Variants in ERBB4 observed in about 807,000 individuals in gnomAD.
The protein encoded by ERBB4 is receptor tyrosine-protein kinase erbB-4.
ERBB4 carries 42 observed loss-of-function variants against 158.0 expected under a neutral mutation model. The ratio of observed to expected loss-of-function variants is 0.27; its 90% confidence interval spans 0.21 to 0.34. The LOEUF (loss-of-function observed/expected upper bound fraction) is 0.34. Ranked by LOEUF, ERBB4 falls within the 10% of genes least tolerant of loss-of-function variation. The pLI, the probability that ERBB4 is intolerant of heterozygous loss-of-function variation, is 1.00. For synonymous variants in ERBB4, 583 were observed against 558.7 expected (o/e 1.04, Z -0.61); for missense variants, 1,333 against 1,624.1 (o/e 0.82, Z 3.08).
chr2:212,021,434 G>C (rs970986878), intron 2 of ERBB4, among the ~76,000 whole-genome samples: 1 of 152,142 alleles, frequency 6.6e-6, no homozygotes, highest in African/African-American at 2.4e-5. Flanking sequence ...ATAATCATCT[G>C]ACCTTCGACA....
chr2:212,191,777 C>A (rs1197859845), intron 1 of ERBB4, among the ~76,000 whole-genome samples: 1 of 127,694 alleles, frequency 7.8e-6, no homozygotes, highest in Admixed American at 8.4e-5. Flanking sequence ...ATATATAACA[C>A]GTGTGTTATA....
chr2:212,379,241 T>A (rs1316826353), intron 1 of ERBB4, among the ~76,000 whole-genome samples: 1 of 151,758 alleles, frequency 6.6e-6, no homozygotes, highest in Non-Finnish European at 1.5e-5. Flanking sequence ...ATCCTCAAAG[T>A]CATTATTAAG....
intron 5 of ERBB4, among the ~76,000 whole-genome samples, chr2:211,746,847 A>AC (rs2074989859): frequency 6.9e-6 from 1 of 144,668 alleles, no homozygotes; most frequent in Admixed American, 6.9e-5. Flanking sequence ...AAAAAAAAAA[A>AC]CCCTCCATTC....
At chr2:212,523,539 A>G (rs1404238422) in intron 1 of ERBB4, among the ~76,000 whole-genome samples, 1 of 147,804 alleles carries the variant, frequency 6.8e-6, no homozygotes, top group Non-Finnish European at 1.5e-5. Context: ...GACTGTTAAG[A>G]AAAAGGCAAA....
chr2:211,620,958 T>A (rs1404003800), intron 18 of ERBB4, among the ~76,000 whole-genome samples: 3 of 152,008 alleles, frequency 2.0e-5, no homozygotes, highest in South Asian at 2.1e-4. Context: ...AATAAAAAAA[T>A]TTAAAAATGA....
chr2:211,651,336 TC>T (rs2070974150), intron 16 of ERBB4, among the ~76,000 whole-genome samples: 2 of 152,266 alleles, frequency 1.3e-5, no homozygotes, highest in African/African-American at 4.8e-5. Context: ...TAATCAAGTT[TC>T]CTTCAGGACA....
intron 3 of ERBB4, among the ~76,000 whole-genome samples, chr2:211,815,445 A>G (rs565810180): frequency 4.4e-4 from 67 of 152,350 alleles, no homozygotes; most frequent in Middle Eastern, 3.4e-3. Context: ...AGAGTAAGGT[A>G]AAAAGCAATC....
intron 2 of ERBB4, among the ~76,000 whole-genome samples, chr2:211,988,816 G>A (rs962711095): frequency 3.3e-5 from 5 of 151,938 alleles, no homozygotes; most frequent in Non-Finnish European, 5.9e-5. Context: ...CCAACCCCAA[G>A]GTCATTGGAG....
intron 16 of ERBB4, among the ~76,000 whole-genome samples, chr2:211,632,517 T>G (rs1380692187): frequency 1.3e-5 from 2 of 152,090 alleles, no homozygotes; most frequent in Non-Finnish European, 2.9e-5. Flanking sequence ...CTCTGCTTAT[T>G]TATTTTGCAA....
In ERBB4 at chr2:211,571,520, T is replaced by C. The variant is rs561041890; in HGVS notation, c.2302-9432A>G. ...TTATGTTATGCCCATATTCCAAGTT[T>C]TCTCCTCCACTCCTATAATTTCAGT... On this transcript the variant is annotated intron_variant, in intron 19 of 27. Transcript: ENST00000342788. 2.2e-4 allele frequency among the ~76,000 whole-genome samples: 34 copies of C among 152,324 alleles called. No homozygotes were observed. The South Asian group carries it at 6.4e-3, about 29-fold the overall frequency.
chr2:212,154,384 G>C (rs937119258), intron 1 of ERBB4, among the ~76,000 whole-genome samples: 11 of 151,946 alleles, frequency 7.2e-5, no homozygotes, highest in Admixed American at 4.0e-4. Flanking sequence ...ATCTACAAAT[G>C]GCACACACAC....
intron 1 of ERBB4, among the ~76,000 whole-genome samples, chr2:212,323,831 C>A (rs2087686371): frequency 1.6e-5 from 1 of 61,182 alleles, no homozygotes; most frequent in South Asian, 4.2e-4. Flanking sequence ...AGATTGAAAA[C>A]ATTAATAAAA....
At chr2:211,817,424 G>A (rs1028733655) in intron 3 of ERBB4, among the ~76,000 whole-genome samples, 2 of 151,966 alleles carry the variant, frequency 1.3e-5, no homozygotes, top group Non-Finnish European at 2.9e-5. Flanking sequence ...GCAAAAATCT[G>A]GTTATTACTC....
chr2:212,449,148 T>C (rs2092408698), intron 1 of ERBB4, among the ~76,000 whole-genome samples: 1 of 152,176 alleles, frequency 6.6e-6, no homozygotes, highest in South Asian at 2.1e-4. Flanking sequence ...GCTTATTTCT[T>C]CTTTATCATG....
chr2:211,798,640 A>G (rs1401855495), intron 3 of ERBB4, among the ~76,000 whole-genome samples: 1 of 152,144 alleles, frequency 6.6e-6, no homozygotes, highest in African/African-American at 2.4e-5. Context: ...AACTATTTTA[A>G]AACCTATGTA....
chr2:211,377,436 T>C lies in ERBB4; in HGVS notation c.*6179A>G. 8.6e-6 allele frequency: 2 copies of C among 232,438 alleles called. No individual in the cohort carries two copies. Among genetic ancestry groups the C allele is most frequent in the Non-Finnish European group, 1.7e-5 (2 of 117,322 alleles). The allele number at this position is 232,438 out of a possible 1,614,324, so 14.4% of individuals were successfully genotyped here. ...CCACTTCTCATGATATAGGGAAAGCTCACTAGAGCATGAAAAGAAAAACGT... is the reference window on the plus strand; with the variant it reads ...CCACTTCTCATGATATAGGGAAAGCCCACTAGAGCATGAAAAGAAAAACGT... On this transcript the variant is annotated 3_prime_UTR_variant, in exon 28 of 28. Transcript: ENST00000342788.
At chr2:212,226,677 A>G (rs1387918243) in intron 1 of ERBB4, among the ~76,000 whole-genome samples, 1 of 152,148 alleles carries the variant, frequency 6.6e-6, no homozygotes, top group African/African-American at 2.4e-5. Flanking sequence ...GATATGTCAT[A>G]TTAGTCTATG....
In ERBB4 at chr2:211,702,064, G is replaced by C. The variant is rs1436708940; in HGVS notation, c.1392C>G (p.Ser464Arg). 2.5e-6 allele frequency: 4 copies of C among 1,613,188 alleles called. No homozygotes were observed. Among genetic ancestry groups the C allele is most frequent in the Non-Finnish European group, 3.4e-6 (4 of 1,179,306 alleles). Residue 464 changes from serine to arginine, a missense_variant, in exon 12 of 28, where the codon AGC (serine) becomes AGG (arginine). By Grantham distance (110) the Ser-to-Arg change is moderately radical. This residue lies in a region of ERBB4 where 438 missense variants were observed against 586.9 expected (regional missense o/e 0.75). Coordinates refer to ENST00000342788, the MANE Select transcript of ERBB4 (RefSeq NM_005235.3). ...TAATGGTATGATAATAACACAGGTT[G>C]CTGTTGTCAGTAATATAGATGTTTC... ...SAGNIYITDN[S>R]NLCYYHTINW...
intron 20 of ERBB4, among the ~76,000 whole-genome samples, chr2:211,458,532 T>G (rs2064446536): frequency 6.6e-6 from 1 of 152,172 alleles, no homozygotes; most frequent in Non-Finnish European, 1.5e-5. Context: ...CCCAAAGTGC[T>G]GGGATTACAG....
Sources: gnomAD v4.1 joint callset for allele counts (sites outside exome capture counted in the v4.1 genomes callset) on GRCh38, gnomAD v4.1.1 for gene constraint, gnomAD v4.1.1 regional missense constraint, MANE v1.5 for transcripts, NCBI Gene and HGNC (gene_info 2026-07-23, HGNC 2026-07-21) for gene names.